The following ATAD1 variants were observed in gnomAD, a reference collection of about 807,000 sequenced individuals.
ATAD1 encodes the protein ATPase family AAA domain containing 1, also known as outer mitochondrial transmembrane helix translocase.
In ATAD1, 18 loss-of-function variants were observed where a neutral mutation model predicts 42.7. The observed-to-expected ratio is 0.42, with a 90% CI of 0.29 to 0.63. The LOEUF is 0.63. ATAD1 is among the 20% of genes least tolerant of loss of function. The pLI is 0.19. For synonymous variants in ATAD1, 132 were observed against 143.1 expected (o/e 0.92, Z 0.55); for missense variants, 294 against 440.4 (o/e 0.67, Z 2.98).
At chr10:87,830,057 G>A (rs111711305) in intron 1 of ATAD1, among the ~76,000 whole-genome samples, 5 of 152,308 alleles carry the variant, frequency 3.3e-5, no homozygotes, top group African/African-American at 1.2e-4. Flanking sequence ...CATATGGGGA[G>A]TAACAGCAGG....
chr10:87,821,178 C>T (rs934990193), upstream of ATAD1, among the ~76,000 whole-genome samples: 1 of 152,090 alleles, frequency 6.6e-6, no homozygotes, highest in Non-Finnish European at 1.5e-5. Context: ...AGCTAGTTTG[C>T]TCTGCAATCA....
In ATAD1 at chr10:87,767,814, GTC is replaced by G. The variant is rs1004403672; in HGVS notation, c.781-93_781-92del. 4 of 1,263,254 alleles carry G rather than the reference GTC, an allele frequency of 3.2e-6. No individual in the cohort carries two copies. In the African/African-American group the frequency reaches 6.1e-5, roughly 19 times the overall value. 78.3% of individuals were successfully genotyped at this position (1,263,254 alleles called of 1,614,324 possible). A position where few individuals can be genotyped will look rare whatever the true frequency, so the allele number is the denominator to read the frequency against. Reference sequence around the variant, plus strand: ...TTCCTAATATTTTGTCCCTTCTAAAGTCTCTCTCAATACTTATAAGGAGATGA... The same window carrying G: ...TTCCTAATATTTTGTCCCTTCTAAAGTCTCTCAATACTTATAAGGAGATGA... On this transcript the variant is annotated intron_variant, in intron 7 of 9. Transcript: ENST00000680024.
intron 5 of ATAD1, among the ~76,000 whole-genome samples, chr10:87,781,082 G>A (rs978899700): frequency 6.6e-6 from 1 of 152,078 alleles, no homozygotes; most frequent in Non-Finnish European, 1.5e-5. Flanking sequence ...GCTGAGGACA[G>A]AAAAAGTACT....
chr10:87,804,636 C>T (rs1344599420), intron 2 of ATAD1, among the ~76,000 whole-genome samples: 2 of 152,126 alleles, frequency 1.3e-5, no homozygotes, highest in Non-Finnish European at 2.9e-5. Flanking sequence ...TCCCAAAGTG[C>T]TGGGATTACA....
rs1256849182 is a variant in ATAD1, at chr10:87,753,869, A to G, written c.*818T>C. The G allele has an allele frequency of 6.6e-6, 1 of 152,636 alleles. No individual in the cohort carries two copies. Among genetic ancestry groups the G allele is most frequent in the African/African-American group, 2.4e-5 (1 of 41,472 alleles). The allele number at this position is 152,636 out of a possible 1,614,324, so 9.5% of individuals were successfully genotyped here. A position where few individuals can be genotyped will look rare whatever the true frequency, so the allele number is the denominator to read the frequency against. ...AAGGGTACTGAGGTTTTTCAAACCC[A>G]TTCTTTTGAAAGGCCTTTTAATCCA... is the stretch of plus-strand genomic sequence containing the variant. On this transcript the variant is annotated 3_prime_UTR_variant, in exon 10 of 10. Transcript: ENST00000680024.
At chr10:87,812,968 T>C (rs1350768997) in intron 2 of ATAD1, among the ~76,000 whole-genome samples, 2 of 152,222 alleles carry the variant, frequency 1.3e-5, no homozygotes, top group Non-Finnish European at 2.9e-5. Context: ...AACTGGGATA[T>C]GCTACTTACT....
intron 8 of ATAD1, among the ~76,000 whole-genome samples, chr10:87,764,995 C>G (rs1854669963): frequency 6.6e-6 from 1 of 151,634 alleles, no homozygotes. Flanking sequence ...TGTACATAGA[C>G]TAGATAATGA....
intron 5 of ATAD1, among the ~76,000 whole-genome samples, chr10:87,778,187 A>AAC (rs1238195657): frequency 2.7e-5 from 4 of 150,176 alleles, no homozygotes; most frequent in Admixed American, 2.0e-4. Context: ...TTAAAAAAAA[A>AAC]AAAAAAAAAA....
At chr10:87,788,884 G>T (rs1195803938) in intron 4 of ATAD1, among the ~76,000 whole-genome samples, 1 of 151,966 alleles carries the variant, frequency 6.6e-6, no homozygotes, top group Non-Finnish European at 1.5e-5. Context: ...TTTTTTTTGC[G>T]GCAGGGGGGA....
intron 3 of ATAD1, 135 bp from the exon 4 acceptor site, chr10:87,790,565 A>C: frequency 2.1e-6 from 2 of 948,192 alleles, no homozygotes; most frequent in African/African-American, 1.7e-5. Flanking sequence ...TAACATAAGT[A>C]AAGACTTTTC....
intron 1 of ATAD1, among the ~76,000 whole-genome samples, chr10:87,840,255 G>A (rs1018233773): frequency 7.2e-5 from 11 of 152,278 alleles, no homozygotes; most frequent in Admixed American, 2.0e-4. Flanking sequence ...ATGACAAGGC[G>A]GGAAGATTGC....
At chr10:87,775,235 A>G (rs1855236831) in intron 6 of ATAD1, among the ~76,000 whole-genome samples, 1 of 151,754 alleles carries the variant, frequency 6.6e-6, no homozygotes, top group African/African-American at 2.4e-5. Flanking sequence ...AGCCTGGCCA[A>G]CATAGTGAAA....
In ATAD1 at chr10:87,756,048, C is replaced by T. The variant is rs1854208194; in HGVS notation, c.965+741G>A. Among the ~76,000 whole-genome samples, 3 of 152,110 alleles carry T rather than the reference C, an allele frequency of 2.0e-5. No individual in the cohort carries two copies. In the South Asian group the frequency reaches 6.2e-4, roughly 32 times the overall value. The stretch of plus-strand genomic sequence containing the variant: ...TCAAAGCTCGCAAAACATTTTTTTG[C>T]TGAAGTTTGCTATGGCAACACACTG... On this transcript the variant is annotated intron_variant, in intron 9 of 9. Coordinates refer to ENST00000680024, the MANE Select transcript of ATAD1 (RefSeq NM_001321967.2).
chr10:87,802,975 T>A (rs1469198854), intron 2 of ATAD1, among the ~76,000 whole-genome samples: 2 of 152,206 alleles, frequency 1.3e-5, no homozygotes, highest in Non-Finnish European at 2.9e-5. Context: ...AAAACTAAGC[T>A]GTGCTTTCTT....
chr10:87,770,014 T>C (rs1854956054), intron 7 of ATAD1, among the ~76,000 whole-genome samples: 1 of 152,190 alleles, frequency 6.6e-6, no homozygotes, highest in African/African-American at 2.4e-5. Context: ...AATCTTTTCA[T>C]TGATTCATTG....
At chr10:87,789,746 G>GA (rs956263374) in intron 4 of ATAD1, among the ~76,000 whole-genome samples, 20 of 149,250 alleles carry the variant, frequency 1.3e-4, no homozygotes, top group Admixed American at 9.3e-4. Flanking sequence ...AGAGAGAAAA[G>GA]AAAAAAAAAG....
At chr10:87,784,441 A>T in intron 5 of ATAD1, 29 bp downstream of exon 5, 1 of 1,600,034 alleles carries the variant, frequency 6.2e-7, no homozygotes, top group Non-Finnish European at 8.5e-7. Flanking sequence ...ATGGCCTTTA[A>T]AAATACTCAT....
chr10:87,789,739 G>C (rs76490382), intron 4 of ATAD1, among the ~76,000 whole-genome samples: 1 of 150,738 alleles, frequency 6.6e-6, no homozygotes, highest in Admixed American at 6.6e-5. Context: ...AAAGAAAAGA[G>C]AGAAAAGAAA....
chr10:87,771,631 C>A (rs566664090), intron 6 of ATAD1, among the ~76,000 whole-genome samples: 24 of 152,066 alleles, frequency 1.6e-4, no homozygotes, highest in African/African-American at 5.1e-4. Flanking sequence ...AGTAATCCAA[C>A]TTTAAACAAA....
Sources: allele counts gnomAD v4.1 joint callset (sites outside exome capture counted in the v4.1 genomes callset), GRCh38; gene constraint gnomAD v4.1.1; transcripts MANE v1.5; gene names NCBI Gene and HGNC (gene_info 2026-07-23, HGNC 2026-07-21).